Variants in HDGFL3 observed in about 807,000 individuals in gnomAD.
The protein encoded by HDGFL3 is HDGF like 3.
A neutral mutation model predicts 27.6 loss-of-function variants in HDGFL3; 6 were observed. That is an observed-to-expected ratio of 0.22 (90% CI 0.12 to 0.43). The LOEUF (loss-of-function observed/expected upper bound fraction) is 0.43, where lower values mean the gene tolerates loss of function less well. HDGFL3 is among the 20% of genes least tolerant of loss of function. The pLI is 1.00. For synonymous variants in HDGFL3, 88 were observed against 88.9 expected (o/e 0.99, Z 0.05); for missense variants, 207 against 250.1 (o/e 0.83, Z 1.16).
chr15:83,136,247 T>A lies in HDGFL3; in HGVS notation c.*3023A>T. ...GGCATGATAAAACTACACTAAATAA[T>A]ATCTACTTTATTTGAACAGTCATAT... On this transcript the variant is annotated 3_prime_UTR_variant, in exon 6 of 6. Transcript: ENST00000299633. The A allele has an allele frequency of 2.7e-6, 1 of 369,066 alleles. No homozygotes were observed. The highest frequency in any genetic ancestry group is 4.0e-5 in the East Asian group (1 of 24,858). The allele number at this position is 369,066 out of a possible 1,614,324, so 22.9% of individuals were successfully genotyped here.
Position 83,136,394 on chromosome 15 carries a change from T to G in HDGFL3, c.*2876A>C, listed in dbSNP as rs1404466051. The G allele has an allele frequency of 8.4e-7, 1 of 1,184,130 alleles. No individual in the cohort carries two copies. The highest frequency in any genetic ancestry group is 1.5e-5 in the African/African-American group (1 of 64,766). 73.4% of individuals were successfully genotyped at this position (1,184,130 alleles called of 1,614,324 possible). A position where few individuals can be genotyped will look rare whatever the true frequency, so the allele number is the denominator to read the frequency against. Reference sequence around the variant, plus strand: ...GACTGGTTTTGAGGGCACAGAAACGTAGCCTGAATGAACCATTCAGAACTC... The same window carrying G: ...GACTGGTTTTGAGGGCACAGAAACGGAGCCTGAATGAACCATTCAGAACTC... On this transcript the variant is annotated 3_prime_UTR_variant, in exon 6 of 6. Coordinates refer to ENST00000299633, the MANE Select transcript of HDGFL3 (RefSeq NM_016073.4).
chr15:83,127,669 G>A (rs1324691779), downstream of HDGFL3: 4 of 538,374 alleles, frequency 7.4e-6, no homozygotes, highest in East Asian at 1.1e-4. Flanking sequence ...CTATATGGTA[G>A]ATGTGCCATC....
Position 83,158,518 on chromosome 15 carries a change from G to C in HDGFL3, c.162-477C>G, listed in dbSNP as rs572634989. 3.1e-4 allele frequency among the ~76,000 whole-genome samples: 47 copies of C among 152,252 alleles called. No individual in the cohort carries two copies. The East Asian group carries it at 8.9e-3, about 29-fold the overall frequency. On this transcript the variant is annotated intron_variant, in intron 2 of 5. Coordinates refer to ENST00000299633, the MANE Select transcript of HDGFL3 (RefSeq NM_016073.4). ...TGTGGTTTTGCCTTCTGTGGTTTTA[G>C]TTACCCATGGTCAACTGTGGTCCAA... is the stretch of plus-strand genomic sequence containing the variant.
intron 1 of HDGFL3, among the ~76,000 whole-genome samples, chr15:83,182,923 CA>C (rs2151416790): frequency 6.6e-6 from 1 of 152,192 alleles, no homozygotes; most frequent in African/African-American, 2.4e-5. Flanking sequence ...ACAAATTTAG[CA>C]AAATGCTAAC....
chr15:83,148,384 G>A (rs2036925174), intron 5 of HDGFL3, among the ~76,000 whole-genome samples: 1 of 152,124 alleles, frequency 6.6e-6, no homozygotes, highest in Non-Finnish European at 1.5e-5. Context: ...CACTTTGGGA[G>A]GCTGAGGCAG....
chr15:83,172,346 C>T (rs975600387), intron 1 of HDGFL3, among the ~76,000 whole-genome samples: 6 of 152,160 alleles, frequency 3.9e-5, no homozygotes, highest in Non-Finnish European at 7.3e-5. Flanking sequence ...AAATAAATTT[C>T]ACAATTCATC....
In HDGFL3 at chr15:83,136,639, C is replaced by A. The variant is rs773669337; in HGVS notation, c.*2631G>T. On this transcript the variant is annotated 3_prime_UTR_variant, in exon 6 of 6. Coordinates refer to ENST00000299633, the MANE Select transcript of HDGFL3 (RefSeq NM_016073.4). ...GTTGTATCTACAAACCAGAGTTCTT[C>A]ATAAAAACAAAGGCAGAAGAAAAAG... 2 of 1,600,054 alleles carry A rather than the reference C, an allele frequency of 1.2e-6. No homozygotes were observed. Among genetic ancestry groups the A allele is most frequent in the South Asian group, 1.1e-5 (1 of 87,532 alleles).
chr15:83,112,832 T>C, exon 4 of HDGFL3: 1 of 1,614,192 alleles, frequency 6.2e-7, no homozygotes, highest in African/African-American at 1.3e-5. Flanking sequence ...GCCCTCATCC[T>C]GTTCCTGGTA....
At chr15:83,127,368 A>G (rs758379606), downstream of HDGFL3, 62 of 1,612,742 alleles carry the variant, frequency 3.8e-5, no homozygotes, top group Non-Finnish European at 4.9e-5. Context: ...ATGCTGGCAT[A>G]TATGTTCTAT....
chr15:83,200,540 G>A (rs1226736996), intron 1 of HDGFL3, among the ~76,000 whole-genome samples: 1 of 152,180 alleles, frequency 6.6e-6, no homozygotes, highest in Non-Finnish European at 1.5e-5. Context: ...TAAGTAAGAA[G>A]CTTTGTGTTC....
chr15:83,151,296 T>G lies in HDGFL3; in HGVS notation c.525A>C (p.Glu175Asp), dbSNP rs751952602. 1.9e-6 allele frequency: 3 copies of G among 1,613,410 alleles called. No homozygotes were observed. In the Admixed American group the frequency reaches 5.0e-5, roughly 27 times the overall value. The part of the protein sequence containing the change: ...DEDDKDCKEE[E>D]NKSSSEGGDA... ...CTCCACCCTCAGAGCTGCTTTTGTTTTCCTCTTCTTTGCAGTCTTTGTCAT... is the reference window on the plus strand; with the variant it reads ...CTCCACCCTCAGAGCTGCTTTTGTTGTCCTCTTCTTTGCAGTCTTTGTCAT... The change falls in exon 5 of 6, where the codon GAA becomes GAC. Residue 175 changes from glutamate to aspartate, a missense_variant. Physicochemically the swap from Glu to Asp is conservative, Grantham distance 45. Coordinates refer to ENST00000299633, the MANE Select transcript of HDGFL3 (RefSeq NM_016073.4).
chr15:83,159,221 A>G (rs748346435), intron 2 of HDGFL3, among the ~76,000 whole-genome samples: 12 of 152,200 alleles, frequency 7.9e-5, no homozygotes, highest in Non-Finnish European at 1.5e-4. Context: ...AAGCAGATAG[A>G]CTTTTATCCA....
At chr15:83,168,567 TGGAAA>T (rs1181261402) in intron 1 of HDGFL3, among the ~76,000 whole-genome samples, 1 of 152,138 alleles carries the variant, frequency 6.6e-6, no homozygotes, top group Non-Finnish European at 1.5e-5. Flanking sequence ...CGTACATTCC[TGGAAA>T]GATTCAATCA....
intron 1 of HDGFL3, among the ~76,000 whole-genome samples, chr15:83,206,621 C>T (rs1031072294): frequency 6.6e-6 from 1 of 152,112 alleles, no homozygotes; most frequent in African/African-American, 2.4e-5. Context: ...TGAGATTCTA[C>T]CTAAAACAAA....
chr15:83,115,108 C>T (rs1232355790), exon 4 of HDGFL3: 1 of 154,502 alleles, frequency 6.5e-6, no homozygotes, highest in Non-Finnish European at 1.4e-5. Context: ...TGAATCACTT[C>T]GTCAAGTCAT....
At chr15:83,156,130 C>T (rs941350912) in intron 4 of HDGFL3, among the ~76,000 whole-genome samples, 13 of 152,272 alleles carry the variant, frequency 8.5e-5, no homozygotes, top group African/African-American at 3.1e-4. Flanking sequence ...TCTCCAGCCA[C>T]ACCTTCTTTC....
chr15:83,166,545 CCA>C (rs1197171567), intron 1 of HDGFL3, among the ~76,000 whole-genome samples: 1 of 152,210 alleles, frequency 6.6e-6, no homozygotes, highest in African/African-American at 2.4e-5. Context: ...TATAAAGTAA[CCA>C]CACAATAGAA....
intron 1 of HDGFL3, chr15:83,180,990 A>C (rs186837751): frequency 6.6e-6 from 1 of 152,228 alleles, no homozygotes. Context: ...GATGATATGG[A>C]AACACCTTCC....
chr15:83,165,782 A>G (rs1474057827), intron 1 of HDGFL3, among the ~76,000 whole-genome samples: 7 of 146,378 alleles, frequency 4.8e-5, no homozygotes, highest in African/African-American at 1.8e-4. Context: ...ATGACAGAGC[A>G]AGAATCCATC....
Sources: gnomAD v4.1 joint callset for allele counts (sites outside exome capture counted in the v4.1 genomes callset) on GRCh38, gnomAD v4.1.1 for gene constraint, MANE v1.5 for transcripts, NCBI Gene and HGNC (gene_info 2026-07-23, HGNC 2026-07-21) for gene names.